Variants in BCAT1 observed in about 807,000 individuals in gnomAD.
The protein encoded by BCAT1 is branched chain amino acid transaminase 1.
Under a neutral mutation model 52.4 loss-of-function variants are expected in BCAT1, and 48 were observed. That is an observed-to-expected ratio of 0.92 (90% CI 0.73 to 1.16). The LOEUF (loss-of-function observed/expected upper bound fraction) is 1.16, where lower values mean the gene tolerates loss of function less well. Among genes scored for constraint, BCAT1 ranks in the 50% most tolerant of loss-of-function variants. BCAT1 has a pLI of 0.00. For missense variants in BCAT1, 451 were observed against 457.1 expected, an observed-to-expected ratio of 0.99 and a Z score of 0.12; for synonymous variants, 167 against 161.3, an observed-to-expected ratio of 1.04 and a Z score of -0.27.
At chr12:24,866,116 G>C (rs1941998550) in intron 5 of BCAT1, among the ~76,000 whole-genome samples, 1 of 152,234 alleles carries the variant, frequency 6.6e-6, no homozygotes, top group Non-Finnish European at 1.5e-5. Context: ...CATGGTGCTT[G>C]TGGGCCAGCT....
intron 2 of BCAT1, among the ~76,000 whole-genome samples, chr12:24,894,884 C>A (rs1352307182): frequency 1.3e-5 from 2 of 152,188 alleles, no homozygotes; most frequent in Non-Finnish European, 2.9e-5. Flanking sequence ...AAATGAATGT[C>A]ATTAAGTACT....
chr12:24,944,127 C>T (rs1259062450), intron 1 of BCAT1, among the ~76,000 whole-genome samples: 1 of 152,212 alleles, frequency 6.6e-6, no homozygotes, highest in Non-Finnish European at 1.5e-5. Context: ...GTACAGAGCA[C>T]TCACCGACAC....
intron 5 of BCAT1, among the ~76,000 whole-genome samples, chr12:24,874,171 G>A (rs1041470805): frequency 1.3e-5 from 2 of 152,046 alleles, no homozygotes; most frequent in Non-Finnish European, 2.9e-5. Context: ...AAAATTAGCT[G>A]GGCATGGTGG....
At chr12:24,865,056 AG>A (rs1941965718) in intron 5 of BCAT1, among the ~76,000 whole-genome samples, 1 of 152,196 alleles carries the variant, frequency 6.6e-6, no homozygotes, top group African/African-American at 2.4e-5. Flanking sequence ...GACCTGCCCC[AG>A]GGGTTAGTCC....
At chr12:24,892,944 A>G (rs1158254672) in intron 3 of BCAT1, among the ~76,000 whole-genome samples, 2 of 152,258 alleles carry the variant, frequency 1.3e-5, no homozygotes, top group Admixed American at 6.5e-5. Flanking sequence ...GAAAGAACTC[A>G]TTCAAATTGA....
At chr12:24,917,331 A>C (rs1425560049) in intron 1 of BCAT1, among the ~76,000 whole-genome samples, 1 of 149,930 alleles carries the variant, frequency 6.7e-6, no homozygotes, top group Non-Finnish European at 1.5e-5. Context: ...GGCGCCCGCC[A>C]CCACGCCCGG....
intron 1 of BCAT1, among the ~76,000 whole-genome samples, chr12:24,940,023 C>T (rs192425221): frequency 4.5e-4 from 68 of 152,144 alleles, no homozygotes; most frequent in Middle Eastern, 6.8e-3. Flanking sequence ...AAAAGGCTCA[C>T]GGTAACTTTC....
chr12:24,868,331 G>GA (rs761895216), intron 5 of BCAT1, among the ~76,000 whole-genome samples: 9 of 148,678 alleles, frequency 6.1e-5, no homozygotes, highest in Admixed American at 2.7e-4. Flanking sequence ...TAGGAAAATG[G>GA]AAAAAAAAAT....
chr12:24,858,808 T>C (rs968025796), intron 5 of BCAT1, among the ~76,000 whole-genome samples: 4 of 152,192 alleles, frequency 2.6e-5, no homozygotes, highest in African/African-American at 9.6e-5. Flanking sequence ...TAAGAAGGCA[T>C]GGGAATGTGG....
chr12:24,852,844 G>A (rs1941554920), intron 5 of BCAT1, among the ~76,000 whole-genome samples: 1 of 152,198 alleles, frequency 6.6e-6, no homozygotes. Context: ...AAGTACTGGT[G>A]TTGATCACAG....
chr12:24,849,812 A>G lies in BCAT1; in HGVS notation c.648T>C (p.Gly216=). 1 of 1,612,216 alleles carries G rather than the reference A, an allele frequency of 6.2e-7. No homozygotes were observed. The highest frequency in any genetic ancestry group is 8.5e-7 in the Non-Finnish European group (1 of 1,178,706). The change falls in exon 6 of 11, where the codon GGT becomes GGC. Residue 216 remains glycine (G), a synonymous_variant. Coordinates refer to ENST00000261192, the MANE Select transcript of BCAT1 (RefSeq NM_005504.7). ...ANPKYVRAWK[G]GTGDCKMGGN... ...CTCCCATCTTGCAGTCCCCAGTTCCACCTTTCCAGGCTCTTACATACTTGG... is the reference window on the plus strand; with the variant it reads ...CTCCCATCTTGCAGTCCCCAGTTCCGCCTTTCCAGGCTCTTACATACTTGG...
chr12:24,869,987 T>G (rs1767958002), intron 5 of BCAT1, among the ~76,000 whole-genome samples: 1 of 148,190 alleles, frequency 6.7e-6, no homozygotes, highest in Admixed American at 6.7e-5. Context: ...TAAGGGTGTG[T>G]GTGTGTGTGT....
chr12:24,867,026 C>T (rs1942039998), intron 5 of BCAT1, among the ~76,000 whole-genome samples: 1 of 152,164 alleles, frequency 6.6e-6, no homozygotes. Flanking sequence ...AGGTCTGCAG[C>T]TTCACTCCTG....
chr12:24,849,934 T>C lies in BCAT1; in HGVS notation c.526A>G (p.Lys176Glu). 1 of 1,609,578 alleles carries C rather than the reference T, an allele frequency of 6.2e-7. No homozygotes were observed. Among genetic ancestry groups the C allele is most frequent in the Non-Finnish European group, 8.5e-7 (1 of 1,177,042 alleles). ...AAGAGCAGGGCTTTGGTAGGCTTCT[T>C]GACTCCAAGAGAAGGCTGCAACAAA... ...FIGTEPSLGVKKPTKALLFVL... is the reference protein window; with the variant it reads ...FIGTEPSLGVEKPTKALLFVL... Residue 176 changes from lysine to glutamate, a missense_variant, in exon 6 of 11, where the codon AAG (lysine) becomes GAG (glutamate). Physicochemically the swap from Lys to Glu is moderately conservative, Grantham distance 56. Transcript: ENST00000261192.
intron 5 of BCAT1, among the ~76,000 whole-genome samples, chr12:24,875,201 G>A (rs1422567804): frequency 6.6e-6 from 1 of 152,156 alleles, no homozygotes; most frequent in Non-Finnish European, 1.5e-5. Flanking sequence ...CATATCAAAT[G>A]TAGCCACCAC....
At chr12:24,876,643 A>C (rs1942353337) in intron 5 of BCAT1, among the ~76,000 whole-genome samples, 1 of 152,164 alleles carries the variant, frequency 6.6e-6, no homozygotes, top group East Asian at 1.9e-4. Flanking sequence ...TGAGATCAGT[A>C]ACAATGTTTC....
chr12:24,915,726 A>T (rs191014791), intron 1 of BCAT1, among the ~76,000 whole-genome samples: 11 of 152,372 alleles, frequency 7.2e-5, no homozygotes, highest in Admixed American at 2.0e-4. Flanking sequence ...CATGCCTAGG[A>T]GATAACGGCT....
At chr12:24,830,553 T>C (rs1482644028) in intron 9 of BCAT1, 6 of 152,228 alleles carry the variant, frequency 3.9e-5, no homozygotes, top group Non-Finnish European at 8.8e-5. Flanking sequence ...AGTTTGATTT[T>C]AGGAGATAGT....
At chr12:24,836,918 GAA>G (rs1378832771) in intron 7 of BCAT1, among the ~76,000 whole-genome samples, 1 of 55,208 alleles carries the variant, frequency 1.8e-5, no homozygotes, top group East Asian at 3.7e-4. Flanking sequence ...GAGAAAGAAA[GAA>G]AGAAAGAAAG....
Sources: allele counts gnomAD v4.1 joint callset (sites outside exome capture counted in the v4.1 genomes callset), GRCh38; gene constraint gnomAD v4.1.1; transcripts MANE v1.5; gene names NCBI Gene and HGNC (gene_info 2026-07-23, HGNC 2026-07-21).